Variants in USP32 observed in about 807,000 individuals in gnomAD.
USP32 encodes the protein ubiquitin carboxyl-terminal hydrolase 32.
In USP32, 59 loss-of-function variants were observed where a neutral mutation model predicts 204.8. The ratio of observed to expected loss-of-function variants is 0.29; its 90% CI spans 0.23 to 0.36. The LOEUF (loss-of-function observed/expected upper bound fraction) is 0.36. USP32 is among the 10% of genes least tolerant of loss of function. The pLI, the probability that USP32 is intolerant of heterozygous loss-of-function variation, is 1.00. For missense variants in USP32, 1,160 were observed against 1,946.4 expected, an observed-to-expected ratio of 0.60 and a Z score of 7.60; for synonymous variants, 517 against 678.4, an observed-to-expected ratio of 0.76 and a Z score of 3.70.
intron 12 of USP32, among the ~76,000 whole-genome samples, chr17:60,229,222 T>G (rs913381463): frequency 7.9e-5 from 12 of 152,116 alleles, no homozygotes; most frequent in Admixed American, 7.2e-4. Flanking sequence ...AAAGTTTTCA[T>G]AGAGATGGGG....
intron 1 of USP32, among the ~76,000 whole-genome samples, chr17:60,367,508 CAGAA>C (rs1334406361): frequency 2.0e-5 from 3 of 152,060 alleles, no homozygotes; most frequent in East Asian, 1.9e-4. Flanking sequence ...TCTCACAAAA[CAGAA>C]AGAAAGAAAA....
chr17:60,301,022 C>T lies in USP32; in HGVS notation c.292+577G>A, dbSNP rs1310106412. 2.0e-5 allele frequency among the ~76,000 whole-genome samples: 3 copies of T among 152,216 alleles called. No individual in the cohort carries two copies. In the East Asian group the frequency reaches 5.8e-4, roughly 29 times the overall value. On this transcript the variant is annotated intron_variant, in intron 3 of 33. Transcript: ENST00000300896. ...ATCCATACTGTAGCATGAATCAGTA[C>T]TTTATTCCTTTTTATACCAGAATAA...
intron 1 of USP32, among the ~76,000 whole-genome samples, chr17:60,390,842 C>T (rs940202681): frequency 1.6e-4 from 24 of 152,292 alleles, no homozygotes; most frequent in African/African-American, 5.5e-4. Flanking sequence ...TGTTTTTTCA[C>T]TTCTTACCAA....
intron 1 of USP32, among the ~76,000 whole-genome samples, chr17:60,357,850 C>T (rs892622468): frequency 1.3e-5 from 2 of 152,084 alleles, no homozygotes; most frequent in Non-Finnish European, 2.9e-5. Flanking sequence ...CTCACTGCAA[C>T]TTCCACCTCC....
At chr17:60,262,435 G>A (rs922858557) in intron 9 of USP32, among the ~76,000 whole-genome samples, 4 of 152,130 alleles carry the variant, frequency 2.6e-5, no homozygotes, top group Non-Finnish European at 4.4e-5. Flanking sequence ...CAGGTGATCC[G>A]CCCACTGTGG....
chr17:60,262,243 G>A (rs2086472009), intron 9 of USP32, among the ~76,000 whole-genome samples: 1 of 152,186 alleles, frequency 6.6e-6, no homozygotes. Context: ...TCAGGCTGGA[G>A]TGCAATGGTG....
intron 1 of USP32, among the ~76,000 whole-genome samples, chr17:60,368,667 AAAGT>A (rs1198645161): frequency 1.3e-5 from 2 of 152,212 alleles, no homozygotes; most frequent in African/African-American, 2.4e-5. Flanking sequence ...TAGTAAACAT[AAAGT>A]AAGTCCAGGG....
At chr17:60,266,911 C>T (rs981368222) in intron 7 of USP32, among the ~76,000 whole-genome samples, 3 of 151,928 alleles carry the variant, frequency 2.0e-5, no homozygotes, top group Admixed American at 6.6e-5. Context: ...ATCTCAGCCT[C>T]CCAAAGTGCT....
chr17:60,221,740 G>A (rs1295105844), intron 15 of USP32, among the ~76,000 whole-genome samples: 2 of 151,930 alleles, frequency 1.3e-5, no homozygotes, highest in Non-Finnish European at 2.9e-5. Flanking sequence ...TCCTGACCTC[G>A]TGATCTGCCT....
chr17:60,306,144 C>A (rs988056672), intron 2 of USP32, among the ~76,000 whole-genome samples: 1 of 152,104 alleles, frequency 6.6e-6, no homozygotes, highest in Non-Finnish European at 1.5e-5. Flanking sequence ...ATAGGCAGTC[C>A]TTTAACATTT....
At chr17:60,232,984 C>A (rs1253068738) in intron 12 of USP32, among the ~76,000 whole-genome samples, 1 of 152,166 alleles carries the variant, frequency 6.6e-6, no homozygotes, top group East Asian at 1.9e-4. Flanking sequence ...ATTCTCACAT[C>A]CCTACTTAAA....
chr17:60,351,018 G>A (rs189089042), intron 1 of USP32, among the ~76,000 whole-genome samples: 63 of 152,068 alleles, frequency 4.1e-4, no homozygotes, highest in African/African-American at 1.5e-3. Context: ...GCCAACCCAA[G>A]AAAGTTAAAA....
upstream of USP32, chr17:60,392,500 C>G (rs1040714412): frequency 3.5e-6 from 1 of 282,520 alleles, no homozygotes; most frequent in Non-Finnish European, 7.3e-6. Context: ...CCCCCGCGCC[C>G]ACATGTTCTG....
chr17:60,421,697 C>A, intron 1 of USP32: 1 of 815,388 alleles, frequency 1.2e-6, no homozygotes. Context: ...GCCTCCTGAG[C>A]ACCTCCCGGC....
chr17:60,385,094 C>T (rs574271915), intron 1 of USP32, among the ~76,000 whole-genome samples: 12 of 152,298 alleles, frequency 7.9e-5, no homozygotes, highest in South Asian at 4.1e-4. Flanking sequence ...CTGCCTTAAC[C>T]GATGACATTC....
At chr17:60,363,388 G>A (rs1044368318) in intron 1 of USP32, among the ~76,000 whole-genome samples, 3 of 148,948 alleles carry the variant, frequency 2.0e-5, no homozygotes, top group African/African-American at 2.5e-5. Flanking sequence ...CCGGGAGGTG[G>A]AGGTTGCAGT....
intron 12 of USP32, among the ~76,000 whole-genome samples, chr17:60,232,476 ATTTTTT>A (rs764051983): frequency 8.3e-6 from 1 of 120,390 alleles, no homozygotes; most frequent in Non-Finnish European, 1.7e-5. Context: ...CCTGGCCCAA[ATTTTTT>A]TTTTTTTTTT....
chr17:60,402,246 C>CTT lies in USP32; in HGVS notation c.106+19998_106+19999dup, dbSNP rs761342227. On this transcript the variant is annotated intron_variant, in intron 1 of 3. Coordinates refer to the USP32 transcript ENST00000588898. ...CCTCAATATTCCATCCCTCATTTAT[C>CTT]TTTTTTTTTTTTTTTTTTTTTTAAT... 1.5e-3 allele frequency among the ~76,000 whole-genome samples: 180 copies of CTT among 118,448 alleles called. 2 individuals carry two copies. The highest frequency in any genetic ancestry group is 5.6e-3 in the African/African-American group (164 of 29,346). 77.7% of individuals were successfully genotyped at this position (118,448 alleles called of 152,430 possible). A position where few individuals can be genotyped will look rare whatever the true frequency, so the allele number is the denominator to read the frequency against.
intron 28 of USP32, among the ~76,000 whole-genome samples, chr17:60,191,908 A>G (rs539834169): frequency 2.8e-4 from 42 of 152,296 alleles, no homozygotes; most frequent in African/African-American, 1.0e-3. Flanking sequence ...GCAATGACCA[A>G]TCAATCTCCG....
Sources: allele counts gnomAD v4.1 joint callset (sites outside exome capture counted in the v4.1 genomes callset), GRCh38; gene constraint gnomAD v4.1.1; transcripts MANE v1.5; gene names NCBI Gene and HGNC (gene_info 2026-07-23, HGNC 2026-07-21).